PHC1: variants seen among roughly 807,000 people sequenced by gnomAD.
PHC1 encodes the protein polyhomeotic homolog 1.
In PHC1, 12 loss-of-function variants were observed where a neutral mutation model predicts 104.3. That is an observed-to-expected ratio of 0.12 (90% CI 0.07 to 0.19). PHC1 has a LOEUF of 0.19. PHC1 is among the 10% of genes least tolerant of loss of function. The pLI is 1.00. For missense variants in PHC1, 671 were observed against 1,200.0 expected (o/e 0.56, Z 6.51); for synonymous variants, 302 against 455.8 (o/e 0.66, Z 4.30).
At chr12:8,915,702 A>G (rs1334027860) in intron 1 of PHC1, 1 of 151,600 alleles carries the variant, frequency 6.6e-6, no homozygotes. Context: ...CATTTTTTAT[A>G]TTTAATCTTG....
At chr12:8,916,915 T>A (rs868027840) in intron 1 of PHC1, among the ~76,000 whole-genome samples, 1 of 152,152 alleles carries the variant, frequency 6.6e-6, no homozygotes, top group African/African-American at 2.4e-5. Flanking sequence ...GCTTCCTAGT[T>A]TTATGACCTT....
chr12:8,938,578 A>G (rs1945911603), intron 14 of PHC1, among the ~76,000 whole-genome samples: 1 of 145,750 alleles, frequency 6.9e-6, no homozygotes, highest in African/African-American at 2.5e-5. Context: ...CACTGCACTC[A>G]GCCTATATGC....
At chr12:8,921,092 G>A in intron 4 of PHC1, 27 bp downstream of exon 4, 1 of 1,541,364 alleles carries the variant, frequency 6.5e-7, no homozygotes, top group Non-Finnish European at 8.9e-7. Flanking sequence ...CCACTGAGAG[G>A]CTTCTCTACC....
intron 14 of PHC1, among the ~76,000 whole-genome samples, chr12:8,938,780 G>A (rs1466421421): frequency 2.0e-5 from 3 of 152,046 alleles, no homozygotes; most frequent in Non-Finnish European, 4.4e-5. Context: ...TTCTGTGGTT[G>A]AACAATTTAG....
intron 3 of PHC1, among the ~76,000 whole-genome samples, chr12:8,920,300 GTTTTAC>G (rs1229609000): frequency 6.6e-6 from 1 of 152,148 alleles, no homozygotes; most frequent in African/African-American, 2.4e-5. Context: ...AACTTTTCCT[GTTTTAC>G]TTTTTAAAAC....
chr12:8,934,722 A>G (rs1353447036), intron 10 of PHC1, among the ~76,000 whole-genome samples: 1 of 152,166 alleles, frequency 6.6e-6, no homozygotes, highest in East Asian at 1.9e-4. Context: ...AGTTAGATAA[A>G]CTAGTTTGTT....
At chr12:8,936,407 T>A (rs1945839773) in intron 11 of PHC1, among the ~76,000 whole-genome samples, 2 of 152,094 alleles carry the variant, frequency 1.3e-5, no homozygotes, top group South Asian at 4.2e-4. Context: ...CAAAAGATGA[T>A]CTAAAATAGG....
intron 14 of PHC1, 112 bp downstream of exon 14, chr12:8,938,172 A>G (rs1243497493): frequency 1.5e-6 from 1 of 688,682 alleles, no homozygotes; most frequent in East Asian, 2.7e-5. Flanking sequence ...CTTGAATGCT[A>G]ATATAGAGGC....
intron 11 of PHC1, among the ~76,000 whole-genome samples, chr12:8,936,135 C>T (rs1945831351): frequency 6.6e-6 from 1 of 150,854 alleles, no homozygotes; most frequent in South Asian, 2.1e-4. Context: ...AATTCCAGTA[C>T]TTTGGGAGGC....
intron 6 of PHC1, among the ~76,000 whole-genome samples, chr12:8,927,853 T>TTTTC (rs71045227): frequency 0.052 from 5,709 of 110,754 alleles, 311 homozygotes; most frequent in East Asian, 0.089. Flanking sequence ...ACTGTACTAG[T>TTTTC]TTTCTTTCTT....
At position 8,923,954 on chromosome 12, in the gene PHC1, A is replaced by T. The variant is rs977765743; in HGVS notation, c.612+1166A>T. On this transcript the variant is annotated intron_variant, in intron 6 of 14. Coordinates refer to ENST00000544916, the MANE Select transcript of PHC1 (RefSeq NM_004426.3). Reference sequence around the variant, plus strand: ...TTACATAGTACTTACATTGTATTAGATATTATAAGTAATAGAGGTGATTTA... The same window carrying T: ...TTACATAGTACTTACATTGTATTAGTTATTATAAGTAATAGAGGTGATTTA... Among the ~76,000 whole-genome samples, 3 of 152,322 alleles carry T rather than the reference A, an allele frequency of 2.0e-5. No homozygotes were observed. In the East Asian group the frequency reaches 5.8e-4, roughly 29 times the overall value.
At chr12:8,913,927 C>T (rs1172590134), upstream of PHC1, 1 of 152,310 alleles carries the variant, frequency 6.6e-6, no homozygotes, top group Non-Finnish European at 1.5e-5. Flanking sequence ...CTGCAGCATT[C>T]TTTCCCGCCT....
At chr12:8,928,543 C>T (rs761748396) in intron 6 of PHC1, among the ~76,000 whole-genome samples, 3 of 152,282 alleles carry the variant, frequency 2.0e-5, no homozygotes, top group Non-Finnish European at 4.4e-5. Flanking sequence ...ATTCTTCCCT[C>T]GGGTCCTTTT....
In PHC1 at chr12:8,919,716, G is replaced by C; in HGVS notation, c.115-40G>C. Reference sequence around the variant, plus strand: ...GTGATTTACATAGAATAGGAGCTAGGAGTGGTCCATTCTAAATGTTTTATC... The same window carrying C: ...GTGATTTACATAGAATAGGAGCTAGCAGTGGTCCATTCTAAATGTTTTATC... On this transcript the variant is annotated intron_variant, in intron 2 of 14. Coordinates refer to ENST00000544916, the MANE Select transcript of PHC1 (RefSeq NM_004426.3). This position sits in a 1 kb window ranked among gnomAD's most constrained non-coding sequence, Gnocchi z 4.9. 1 of 1,566,716 alleles carries C rather than the reference G, an allele frequency of 6.4e-7. No individual in the cohort carries two copies. The highest frequency in any genetic ancestry group is 8.7e-7 in the Non-Finnish European group (1 of 1,144,858).
intron 6 of PHC1, among the ~76,000 whole-genome samples, chr12:8,923,273 G>A (rs1240944283): frequency 6.6e-6 from 1 of 152,112 alleles, no homozygotes; most frequent in East Asian, 1.9e-4. Flanking sequence ...TCCCAGTAAA[G>A]GTCTTCCTCA....
At position 8,933,464 on chromosome 12, in the gene PHC1, G is replaced by T. The variant is rs746289623; in HGVS notation, c.1893+114G>T. ...ATAAAGAGTTAAGAGGGTTAATATTGGTATTTATCTGCTTCTTCTGTAAGA... is the reference window on the plus strand; with the variant it reads ...ATAAAGAGTTAAGAGGGTTAATATTTGTATTTATCTGCTTCTTCTGTAAGA... On this transcript the variant is annotated intron_variant, in intron 8 of 14. Transcript: ENST00000544916. The T allele has an allele frequency of 4.1e-5, 51 of 1,236,516 alleles. No homozygotes were observed. In the African/African-American group the frequency reaches 6.7e-4, roughly 16 times the overall value. 76.6% of individuals were successfully genotyped at this position (1,236,516 alleles called of 1,614,324 possible).
chr12:8,922,537 T>G (rs1044256073), intron 5 of PHC1, 96 bp from the exon 6 acceptor site: 43 of 1,091,490 alleles, frequency 3.9e-5, no homozygotes, highest in Non-Finnish European at 5.3e-5. Context: ...GTTTAATATC[T>G]TCTGTTTATT....
At chr12:8,929,542 T>C (rs955979503) in intron 6 of PHC1, among the ~76,000 whole-genome samples, 4 of 151,950 alleles carry the variant, frequency 2.6e-5, no homozygotes, top group Non-Finnish European at 5.9e-5. Flanking sequence ...TTTTTTTTTT[T>C]TTCTGGACAG....
chr12:8,921,019 C>T lies in PHC1; in HGVS notation c.260C>T (p.Pro87Leu). ...TIAASRQASS[P>L]NTSTTQQQTT... ...GCTGCCAGTCGGCAGGCCAGCTCCC[C>T]AAACACCAGCACTACACAGCAGCAG... is the stretch of plus-strand genomic sequence containing the variant. The change falls in exon 4 of 15, where the codon CCA becomes CTA. Residue 87 changes from proline to leucine, a missense_variant. Around this residue, in one of 9 missense-constraint regions of PHC1, gnomAD observed 237 missense variants for 331.1 expected, o/e 0.72. Coordinates refer to ENST00000544916, the MANE Select transcript of PHC1 (RefSeq NM_004426.3). 6.2e-7 allele frequency: 1 copy of T among 1,613,614 alleles called. No homozygotes were observed. Among genetic ancestry groups the T allele is most frequent in the Non-Finnish European group, 8.5e-7 (1 of 1,179,830 alleles).
Sources: allele counts gnomAD v4.1 joint callset (sites outside exome capture counted in the v4.1 genomes callset), GRCh38; gene constraint gnomAD v4.1.1; regional missense constraint gnomAD v4.1.1; non-coding constraint Gnocchi (gnomAD v3.1); transcripts MANE v1.5; gene names NCBI Gene and HGNC (gene_info 2026-07-23, HGNC 2026-07-21).